The following DNAAF4 variants were observed in gnomAD, a reference collection of about 807,000 sequenced individuals.
DNAAF4 encodes dynein assembly factor 4, axonemal.
In DNAAF4, 43 loss-of-function variants were observed where a neutral mutation model predicts 51.8. The ratio of observed to expected loss-of-function variants is 0.83; its 90% CI spans 0.65 to 1.07. The LOEUF (loss-of-function observed/expected upper bound fraction) is 1.07, where lower values mean the gene tolerates loss of function less well. DNAAF4 is among the 50% of genes least tolerant of loss of function. The pLI, the probability that DNAAF4 is intolerant of heterozygous loss-of-function variation, is 0.00. For missense variants in DNAAF4, 581 were observed against 493.0 expected, an observed-to-expected ratio of 1.18 and a Z score of -1.69; for synonymous variants, 194 against 165.6, an observed-to-expected ratio of 1.17 and a Z score of -1.32.
exon 8 of DNAAF4, chr15:55,417,938 G>A: frequency 1.8e-6 from 1 of 554,454 alleles, no homozygotes; most frequent in Non-Finnish European, 3.2e-6. Context: ...GCTCAGTGGG[G>A]GAGGTTCTGA....
chr15:55,493,331 A>C (rs1442705081), intron 3 of DNAAF4, among the ~76,000 whole-genome samples: 1 of 152,232 alleles, frequency 6.6e-6, no homozygotes, highest in Non-Finnish European at 1.5e-5. Flanking sequence ...AATTGAAGAG[A>C]ATGTTAAATA....
At chr15:55,498,105 G>A (rs1352394725) in intron 2 of DNAAF4, 102 bp downstream of exon 2, 7 of 1,576,156 alleles carry the variant, frequency 4.4e-6, no homozygotes, top group East Asian at 4.5e-5. Context: ...AATTTAGGAC[G>A]TTTATCGGCA....
At chr15:55,470,666 A>G (rs1362110094) in intron 4 of DNAAF4, among the ~76,000 whole-genome samples, 2 of 150,430 alleles carry the variant, frequency 1.3e-5, no homozygotes, top group African/African-American at 4.9e-5. Context: ...TCAGCCTTCT[A>G]GGTAGCTGGG....
downstream of DNAAF4, among the ~76,000 whole-genome samples, chr15:55,425,833 A>G (rs1334328766): frequency 6.6e-6 from 1 of 152,180 alleles, no homozygotes; most frequent in Non-Finnish European, 1.5e-5. Flanking sequence ...ATGGAAGGCC[A>G]CTGATTTGGA....
intron 4 of DNAAF4, among the ~76,000 whole-genome samples, chr15:55,471,993 C>T (rs931089437): frequency 2.0e-5 from 3 of 152,060 alleles, no homozygotes; most frequent in Non-Finnish European, 2.9e-5. Flanking sequence ...GTGTGTACCA[C>T]CATGCCCGTC....
At chr15:55,486,267 CACTGCA>C (rs2058488031) in intron 4 of DNAAF4, among the ~76,000 whole-genome samples, 1 of 150,802 alleles carries the variant, frequency 6.6e-6, no homozygotes, top group Non-Finnish European at 1.5e-5. Flanking sequence ...GATCTCAGCT[CACTGCA>C]ACCTCCGCTT....
chr15:55,467,030 C>A lies in DNAAF4; in HGVS notation c.537G>T (p.Glu179Asp). The A allele has an allele frequency of 5.1e-6, 8 of 1,563,692 alleles. No homozygotes were observed. Among genetic ancestry groups the A allele is most frequent in the Non-Finnish European group, 6.9e-6 (8 of 1,157,544 alleles). The change falls in exon 5 of 10, where the codon GAG becomes GAT. Residue 179 changes from glutamate (E) to aspartate (D), a missense_variant. Transcript: ENST00000321149. The part of the protein sequence containing the change: ...AEEQKKIQRE[E>D]KLCQKEKQIK... ...TTTGCTTTTCTTTTTGACATAATTTCTCTTCTCTCTGAATTTTTTTTTGCT... is the reference window on the plus strand; with the variant it reads ...TTTGCTTTTCTTTTTGACATAATTTATCTTCTCTCTGAATTTTTTTTTGCT...
In DNAAF4 at chr15:55,498,322, A is replaced by T; in HGVS notation, c.8T>A (p.Leu3His). 1 of 1,604,946 alleles carries T rather than the reference A, an allele frequency of 6.2e-7. No individual in the cohort carries two copies. Among genetic ancestry groups the T allele is most frequent in the Non-Finnish European group, 8.5e-7 (1 of 1,174,692 alleles). MP[L>H]QVSDYSWQQT... is the part of the protein sequence containing the mutation. The stretch of plus-strand genomic sequence containing the variant: ...CTGCCAGCTGTAATCGCTAACCTGA[A>T]GAGGCATTCCGGTAGCAACGGGAGC... The change falls in exon 2 of 10, where the codon CTT becomes CAT. Residue 3 changes from leucine (L) to histidine (H), a missense_variant. Coordinates refer to ENST00000321149, the MANE Select transcript of DNAAF4 (RefSeq NM_130810.4).
rs368434236 is a variant in DNAAF4, at chr15:55,430,706, A to T, written c.1227T>A (p.Ile409=). ...NKIVQIDAEK[I]RNVIQGTELK... Reference sequence around the variant, plus strand: ...GTTCTGTTCCTTGAATTACATTCCGAATCTTCTCAGCATCAATTTGTACAA... The same window carrying T: ...GTTCTGTTCCTTGAATTACATTCCGTATCTTCTCAGCATCAATTTGTACAA... Residue 409 remains isoleucine (I), a synonymous_variant, in exon 10 of 10, where the codon ATT becomes ATA. Transcript: ENST00000321149. The T allele has an allele frequency of 1.1e-5, 17 of 1,613,272 alleles. No individual in the cohort carries two copies. The African/African-American group carries it at 2.1e-4, about 20-fold the overall frequency.
At chr15:55,465,408 A>G (rs2058155736) in intron 5 of DNAAF4, among the ~76,000 whole-genome samples, 1 of 151,772 alleles carries the variant, frequency 6.6e-6, no homozygotes, top group Non-Finnish European at 1.5e-5. Context: ...ACACACACAC[A>G]CACACACACA....
At chr15:55,435,842 G>A (rs1397263835) in intron 7 of DNAAF4, among the ~76,000 whole-genome samples, 1 of 152,126 alleles carries the variant, frequency 6.6e-6, no homozygotes, top group African/African-American at 2.4e-5. Flanking sequence ...AGGCTGGAGT[G>A]CAATGGTGCG....
At chr15:55,497,595 T>TAAA in intron 3 of DNAAF4, 117 bp downstream of exon 3, 1 of 1,063,420 alleles carries the variant, frequency 9.4e-7, no homozygotes, top group Non-Finnish European at 1.3e-6. Context: ...GCAAGACTCT[T>TAAA]AAAAAAAAAA....
In DNAAF4 at chr15:55,435,067, A is replaced by G. The variant is rs1019826540; in HGVS notation, c.894-9T>C. On this transcript the variant is annotated splice_polypyrimidine_tract_variant and intron_variant, in intron 7 of 9. Coordinates refer to ENST00000321149, the MANE Select transcript of DNAAF4 (RefSeq NM_130810.4). ...CCGTTGCAAACAATTTGCTAATGAG[A>G]CAAAAACAGAGAAGAAAAACAATTT... 6.4e-7 allele frequency: 1 copy of G among 1,574,374 alleles called. No homozygotes were observed. The highest frequency in any genetic ancestry group is 1.4e-5 in the African/African-American group (1 of 72,464).
intron 4 of DNAAF4, among the ~76,000 whole-genome samples, chr15:55,476,895 G>T (rs1026974440): frequency 6.6e-6 from 1 of 152,186 alleles, no homozygotes; most frequent in Non-Finnish European, 1.5e-5. Context: ...GGAGGGCCAG[G>T]CATGGTGGCT....
intron 8 of DNAAF4, among the ~76,000 whole-genome samples, chr15:55,433,888 A>ATATAT (rs1248435180): frequency 3.5e-4 from 6 of 17,132 alleles, no homozygotes; most frequent in African/African-American, 1.7e-3. Flanking sequence ...CATATATTAT[A>ATATAT]TATATATTAT....
Position 55,430,513 on chromosome 15 carries a change from AAC to A in DNAAF4, c.*155_*156del. ...ACTTATTCAGAAATGATTCAAGTCA[AAC>A]AGTTTATTTTCTATAGATTTATAAT... is the stretch of plus-strand genomic sequence containing the variant. On this transcript the variant is annotated 3_prime_UTR_variant, in exon 10 of 10. Transcript: ENST00000321149. 1 of 1,228,574 alleles carries A rather than the reference AAC, an allele frequency of 8.1e-7. No homozygotes were observed. 76.1% of individuals were successfully genotyped at this position (1,228,574 alleles called of 1,614,324 possible). A position where few individuals can be genotyped will look rare whatever the true frequency, so the allele number is the denominator to read the frequency against.
chr15:55,507,643 G>A (rs2058733628), intron 1 of DNAAF4, among the ~76,000 whole-genome samples: 1 of 152,106 alleles, frequency 6.6e-6, no homozygotes, highest in South Asian at 2.1e-4. Flanking sequence ...ACAAGTGGGA[G>A]CCTTTTTGGT....
intron 4 of DNAAF4, among the ~76,000 whole-genome samples, chr15:55,489,788 G>A (rs977376674): frequency 6.6e-6 from 1 of 150,952 alleles, no homozygotes; most frequent in African/African-American, 2.4e-5. Context: ...CCAAAAAACA[G>A]TCATGGGTCC....
chr15:55,439,406 G>A (rs767797662), intron 7 of DNAAF4, 66 bp downstream of exon 7: 29 of 1,368,172 alleles, frequency 2.1e-5, no homozygotes, highest in Admixed American at 5.4e-5. Context: ...CACCATACTC[G>A]TCCTATGATA....
Sources: allele counts gnomAD v4.1 joint callset (sites outside exome capture counted in the v4.1 genomes callset), GRCh38; gene constraint gnomAD v4.1.1; transcripts MANE v1.5; gene names NCBI Gene and HGNC (gene_info 2026-07-23, HGNC 2026-07-21).